Variants in CTNNA2 observed in about 807,000 individuals in gnomAD.
CTNNA2 encodes the protein catenin alpha-2.
A neutral mutation model predicts 101.0 loss-of-function variants in CTNNA2; 42 were observed. The observed-to-expected ratio is 0.42, with a 90% confidence interval of 0.32 to 0.54. The LOEUF is 0.54. CTNNA2 is among the 20% of genes least tolerant of loss of function. The probability of loss-of-function intolerance (pLI) is 0.14; values close to 1 mark genes in which losing one functional copy is unlikely to be tolerated. For synonymous variants in CTNNA2, 450 were observed against 456.4 expected (o/e 0.99, Z 0.18); for missense variants, 871 against 1,223.1 (o/e 0.71, Z 4.29).
At chr2:79,425,609 A>C (rs1678584322) in intron 4 of CTNNA2, among the ~76,000 whole-genome samples, 1 of 152,156 alleles carries the variant, frequency 6.6e-6, no homozygotes, top group Non-Finnish European at 1.5e-5. Context: ...ACAAGGGAGA[A>C]GCCCTCATGG....
At chr2:79,210,371 C>A (rs1674156165) in intron 2 of CTNNA2, among the ~76,000 whole-genome samples, 1 of 152,068 alleles carries the variant, frequency 6.6e-6, no homozygotes, top group African/African-American at 2.4e-5. Flanking sequence ...ATATTCATTA[C>A]ATTTAAATGT....
At chr2:79,373,670 T>G (rs376241072) in intron 3 of CTNNA2, among the ~76,000 whole-genome samples, 3 of 6,192 alleles carry the variant, frequency 4.8e-4, no homozygotes, top group African/African-American at 9.1e-3. Context: ...CCTGGAAGCA[T>G]TTTTTTAAAT....
At chr2:79,984,883 A>G (rs1028782486) in intron 7 of CTNNA2, among the ~76,000 whole-genome samples, 3 of 152,178 alleles carry the variant, frequency 2.0e-5, no homozygotes, top group Admixed American at 6.5e-5. Context: ...CCCATCACCT[A>G]TAGTAAGGAT....
chr2:79,508,135 A>G (rs994591800), upstream of CTNNA2, among the ~76,000 whole-genome samples: 5 of 152,180 alleles, frequency 3.3e-5, no homozygotes, highest in African/African-American at 1.2e-4. Flanking sequence ...TGACACAAAT[A>G]TGAACACAAG....
chr2:79,239,341 C>G (rs1014440689), intron 2 of CTNNA2, among the ~76,000 whole-genome samples: 1 of 152,088 alleles, frequency 6.6e-6, no homozygotes. Context: ...CTTCTACAAA[C>G]CTGACAAAAA....
At chr2:79,904,243 G>C (rs1047727444) in intron 6 of CTNNA2, among the ~76,000 whole-genome samples, 1 of 152,048 alleles carries the variant, frequency 6.6e-6, no homozygotes. Flanking sequence ...ACAATTGGTT[G>C]TACATATTTT....
At chr2:80,473,481 T>A (rs1572977477) in intron 9 of CTNNA2, among the ~76,000 whole-genome samples, 1 of 152,328 alleles carries the variant, frequency 6.6e-6, no homozygotes, top group East Asian at 1.9e-4. Context: ...TTTCCTAAAA[T>A]GAAAATATAC....
intron 8 of CTNNA2, among the ~76,000 whole-genome samples, chr2:80,402,369 A>C (rs976215947): frequency 6.6e-6 from 1 of 152,142 alleles, no homozygotes; most frequent in African/African-American, 2.4e-5. Context: ...CAATTAACTC[A>C]ACCTTCAGCT....
chr2:79,961,603 A>C (rs907354160), intron 7 of CTNNA2, among the ~76,000 whole-genome samples: 23 of 151,898 alleles, frequency 1.5e-4, no homozygotes, highest in Non-Finnish European at 3.2e-4. Context: ...CGGGCGGATC[A>C]CCAGGTCAGG....
intron 1 of CTNNA2, among the ~76,000 whole-genome samples, chr2:79,610,408 A>G (rs1267068727): frequency 6.6e-6 from 1 of 152,154 alleles, no homozygotes; most frequent in East Asian, 1.9e-4. Flanking sequence ...CTGTACAAAG[A>G]CTTGCAGATG....
At chr2:79,392,690 T>A (rs904345973) in intron 4 of CTNNA2, among the ~76,000 whole-genome samples, 1 of 152,314 alleles carries the variant, frequency 6.6e-6, no homozygotes. Context: ...TTTTTGACTC[T>A]ACTCAACTAT....
Position 79,617,051 on chromosome 2 carries a change from G to A in CTNNA2, c.-5-34501G>A, listed in dbSNP as rs186624977. Among the ~76,000 whole-genome samples, 317 of 151,996 alleles carry A rather than the reference G, an allele frequency of 2.1e-3. 3 individuals are homozygous for A. The highest frequency in any genetic ancestry group is 7.1e-3 in the African/African-American group (296 of 41,428). ...AAAGTAACTGGGATTACAGGTGTGC[G>A]CCACCATACCCGGCTAATTTTTTTG... On this transcript the variant is annotated intron_variant, in intron 1 of 18. Transcript: ENST00000402739.
intron 7 of CTNNA2, among the ~76,000 whole-genome samples, chr2:80,024,485 A>T (rs1157059108): frequency 6.6e-6 from 1 of 152,176 alleles, no homozygotes; most frequent in African/African-American, 2.4e-5. Flanking sequence ...GTGAGATGGG[A>T]TAGTTCCCTT....
intron 7 of CTNNA2, among the ~76,000 whole-genome samples, chr2:79,913,269 A>C (rs541712466): frequency 1.3e-5 from 2 of 152,324 alleles, no homozygotes; most frequent in East Asian, 3.9e-4. Context: ...AAGACTTCTC[A>C]GAAGTGAGGA....
rs192188702 is a variant in CTNNA2 at position 80,042,534 on chromosome 2, A to G, written c.1056+132737A>G. 3.4e-3 allele frequency among the ~76,000 whole-genome samples: 512 copies of G among 152,286 alleles called. 15 individuals are homozygous for G. Among genetic ancestry groups the G allele is most frequent in the Admixed American group, 0.03 (452 of 15,292 alleles). On this transcript the variant is annotated intron_variant, in intron 7 of 18. Coordinates refer to ENST00000402739, the MANE Select transcript of CTNNA2 (RefSeq NM_001282597.3). Reference sequence around the variant, plus strand: ...ATCTGGCACCTCTTTTACCTAGAGCATGGATGGCAAATCTTCATCTAAAGG... The same window carrying G: ...ATCTGGCACCTCTTTTACCTAGAGCGTGGATGGCAAATCTTCATCTAAAGG...
At chr2:79,367,351 A>G (rs1439235075) in intron 3 of CTNNA2, among the ~76,000 whole-genome samples, 1 of 152,214 alleles carries the variant, frequency 6.6e-6, no homozygotes, top group Non-Finnish European at 1.5e-5. Context: ...AGACTAAGAT[A>G]GGCCTGAAGG....
chr2:79,369,513 C>T (rs1290628989), intron 3 of CTNNA2, among the ~76,000 whole-genome samples: 1 of 152,184 alleles, frequency 6.6e-6, no homozygotes, highest in Admixed American at 6.5e-5. Context: ...CCATTGTGGA[C>T]ATGACTGCTC....
chr2:80,192,185 T>C (rs1479668552), intron 7 of CTNNA2, among the ~76,000 whole-genome samples: 1 of 152,216 alleles, frequency 6.6e-6, no homozygotes, highest in African/African-American at 2.4e-5. Context: ...TTCACACTGA[T>C]AAGGAAAATT....
intron 5 of CTNNA2, among the ~76,000 whole-genome samples, chr2:79,871,949 TGTTA>T (rs1403365141): frequency 2.0e-5 from 3 of 152,216 alleles, no homozygotes; most frequent in Non-Finnish European, 4.4e-5. Flanking sequence ...TTTAATTGAT[TGTTA>T]GTTCAGACTC....
Sources: gnomAD v4.1 joint callset for allele counts (sites outside exome capture counted in the v4.1 genomes callset) on GRCh38, gnomAD v4.1.1 for gene constraint, MANE v1.5 for transcripts, NCBI Gene and HGNC (gene_info 2026-07-23, HGNC 2026-07-21) for gene names.